Variants in CNNM2 observed in about 807,000 individuals in gnomAD.
CNNM2 encodes the protein cyclin and CBS domain divalent metal cation transport mediator 2, also known as metal transporter CNNM2.
Under a neutral mutation model 66.9 loss-of-function variants are expected in CNNM2, and 12 were observed. The observed-to-expected ratio is 0.18, with a 90% CI of 0.11 to 0.29. CNNM2 has a LOEUF of 0.29. CNNM2 is among the 10% of genes least tolerant of loss of function. CNNM2 has a pLI of 1.00. For missense variants in CNNM2, 705 were observed against 1,167.7 expected (o/e 0.60, Z 5.77); for synonymous variants, 557 against 501.8 (o/e 1.11, Z -1.47).
chr10:103,077,393 G>A lies in CNNM2; in HGVS notation c.*213G>A, dbSNP rs1343116088. On this transcript the variant is annotated 3_prime_UTR_variant, in exon 8 of 8. Coordinates refer to ENST00000369878, the MANE Select transcript of CNNM2 (RefSeq NM_017649.5). ...ATGTGAAGTTGGCAGCCGGGGCATG[G>A]CGTTCAAGATTTTGGAGATGAACTG... 2 of 530,760 alleles carry A rather than the reference G, an allele frequency of 3.8e-6. No individual in the cohort carries two copies. The highest frequency in any genetic ancestry group is 6.7e-6 in the Non-Finnish European group (2 of 299,444). The allele number at this position is 530,760 out of a possible 1,614,324, so 32.9% of individuals were successfully genotyped here.
chr10:103,053,880 G>C (rs908824744), intron 2 of CNNM2, among the ~76,000 whole-genome samples: 1 of 152,160 alleles, frequency 6.6e-6, no homozygotes, highest in East Asian at 1.9e-4. Context: ...CAGAGGGAAG[G>C]GGCCTCTTAC....
intron 1 of CNNM2, among the ~76,000 whole-genome samples, chr10:102,951,063 C>T (rs1846812380): frequency 7.0e-6 from 1 of 142,166 alleles, no homozygotes; most frequent in Non-Finnish European, 1.5e-5. Context: ...TCTCAGCTCA[C>T]TGCAACCTCT....
Position 103,082,561 on chromosome 10 carries a change from G to A in CNNM2, c.*5381G>A, listed in dbSNP as rs1306084527. 6.6e-6 allele frequency: 1 copy of A among 152,166 alleles called. No homozygotes were observed. Among genetic ancestry groups the A allele is most frequent in the East Asian group, 1.9e-4 (1 of 5,196 alleles). The allele number at this position is 152,166 out of a possible 1,614,324, so 9.4% of individuals were successfully genotyped here. A position where few individuals can be genotyped will look rare whatever the true frequency, so the allele number is the denominator to read the frequency against. On this transcript the variant is annotated 3_prime_UTR_variant, in exon 8 of 8. Transcript: ENST00000369878. Reference sequence around the variant, plus strand: ...TTTATATTATTTATTATGTACATATGCCTGTTAGTACTTCGTCTGTGACTA... The same window carrying A: ...TTTATATTATTTATTATGTACATATACCTGTTAGTACTTCGTCTGTGACTA...
At chr10:103,026,827 A>G (rs772075401) in intron 1 of CNNM2, among the ~76,000 whole-genome samples, 4 of 152,126 alleles carry the variant, frequency 2.6e-5, no homozygotes, top group African/African-American at 2.4e-5. Context: ...AGAGTCTAAC[A>G]TGTTGTAATT....
rs142592397 is a variant in CNNM2, at chr10:103,071,501, T to A, written c.2168-273T>A. Among the ~76,000 whole-genome samples, 114 of 152,332 alleles carry A rather than the reference T, an allele frequency of 7.5e-4. 1 individual carries two copies. The highest frequency in any genetic ancestry group is 2.7e-3 in the African/African-American group (111 of 41,582). ...CTTAAGAGTAGCAGGTTTCGAGCTA[T>A]CAACCCCAATTGGTTATTAGTGGCT... is the stretch of plus-strand genomic sequence containing the variant. On this transcript the variant is annotated intron_variant, in intron 5 of 7. Coordinates refer to ENST00000369878, the MANE Select transcript of CNNM2 (RefSeq NM_017649.5).
Position 102,975,415 on chromosome 10 carries a change from A to G in CNNM2, c.1621+55314A>G, listed in dbSNP as rs541946615. Among the ~76,000 whole-genome samples, 4 of 143,234 alleles carry G rather than the reference A, an allele frequency of 2.8e-5. No homozygotes were observed. In the South Asian group the frequency reaches 9.4e-4, roughly 34 times the overall value. The allele number at this position is 143,234 out of a possible 152,430, so 94.0% of individuals were successfully genotyped here. A position where few individuals can be genotyped will look rare whatever the true frequency, so the allele number is the denominator to read the frequency against. On this transcript the variant is annotated intron_variant, in intron 1 of 7. Coordinates refer to ENST00000369878, the MANE Select transcript of CNNM2 (RefSeq NM_017649.5). ...AAGCAGAGTGGTGACAGTGAACTGG[A>G]TGGTGAATTTGCTCTAGCAAGTTTA...
intron 1 of CNNM2, among the ~76,000 whole-genome samples, chr10:102,956,443 C>T (rs574037145): frequency 3.3e-5 from 5 of 152,170 alleles, no homozygotes; most frequent in East Asian, 1.9e-4. Flanking sequence ...CTAGAAATAC[C>T]GTTTGACCCA....
chr10:102,978,496 A>G (rs1430734971), intron 1 of CNNM2, among the ~76,000 whole-genome samples: 1 of 151,812 alleles, frequency 6.6e-6, no homozygotes, highest in Non-Finnish European at 1.5e-5. Context: ...TACCATCTCT[A>G]CCTCTACCAC....
intron 1 of CNNM2, among the ~76,000 whole-genome samples, chr10:103,005,061 C>T (rs544181470): frequency 7.2e-5 from 11 of 151,762 alleles, no homozygotes; most frequent in Admixed American, 2.0e-4. Flanking sequence ...TATGGGCATG[C>T]GCCACCACAC....
intron 1 of CNNM2, among the ~76,000 whole-genome samples, chr10:102,950,012 G>C (rs1483316225): frequency 1.3e-5 from 2 of 152,246 alleles, no homozygotes; most frequent in East Asian, 3.9e-4. Context: ...GACCACTATA[G>C]AACTTACTAT....
chr10:103,005,645 G>A (rs899925316), intron 1 of CNNM2, among the ~76,000 whole-genome samples: 38 of 151,908 alleles, frequency 2.5e-4, no homozygotes, highest in Admixed American at 1.6e-3. Flanking sequence ...GCGAAACTCC[G>A]TCTCTCAAAA....
rs946734859 is a variant in CNNM2, at chr10:103,080,460, C to G, written c.*3280C>G. On this transcript the variant is annotated 3_prime_UTR_variant, in exon 8 of 8. Transcript: ENST00000369878. ...CTTACACAGATATCGGGGTGCTAAT[C>G]AACTGGCTTAAATCTTGATTCTTAC... The G allele has an allele frequency of 6.6e-6, 1 of 152,230 alleles. No homozygotes were observed. The highest frequency in any genetic ancestry group is 1.5e-5 in the Non-Finnish European group (1 of 68,056). 9.4% of individuals were successfully genotyped at this position (152,230 alleles called of 1,614,324 possible).
Position 103,073,549 on chromosome 10 carries a change from G to A in CNNM2, c.2233+1710G>A, listed in dbSNP as rs535792172. Among the ~76,000 whole-genome samples, 4 of 152,304 alleles carry A rather than the reference G, an allele frequency of 2.6e-5. No individual in the cohort carries two copies. The South Asian group carries it at 8.3e-4, about 32-fold the overall frequency. ...GGTGGGCGCATGGTGGCAAGGTCCG[G>A]GAGGAAGCTGACAAGAAAGAATAGA... is the stretch of plus-strand genomic sequence containing the variant. On this transcript the variant is annotated intron_variant, in intron 6 of 7. Transcript: ENST00000369878.
At chr10:102,981,667 A>G (rs2063722885) in intron 1 of CNNM2, among the ~76,000 whole-genome samples, 1 of 151,846 alleles carries the variant, frequency 6.6e-6, no homozygotes, top group African/African-American at 2.4e-5. Flanking sequence ...TGCTGGGATT[A>G]TAGGGATACA....
rs1244795833 is a variant in CNNM2, at chr10:102,990,009, A to G, written c.1622-59698A>G. Among the ~76,000 whole-genome samples, 4 of 150,708 alleles carry G rather than the reference A, an allele frequency of 2.7e-5. No individual in the cohort carries two copies. The Admixed American group carries it at 2.7e-4, about 10-fold the overall frequency. Reference sequence around the variant, plus strand: ...ACCCAGGCTGCAGTGCAGTGGTGCAATCTCGTCTCACTGCAACCTCTCCCT... The same window carrying G: ...ACCCAGGCTGCAGTGCAGTGGTGCAGTCTCGTCTCACTGCAACCTCTCCCT... On this transcript the variant is annotated intron_variant, in intron 1 of 7. Transcript: ENST00000369878.
chr10:103,015,644 G>C (rs1005817266), intron 1 of CNNM2, among the ~76,000 whole-genome samples: 2 of 151,960 alleles, frequency 1.3e-5, no homozygotes, highest in Non-Finnish European at 2.9e-5. Flanking sequence ...ACTTGACATC[G>C]GGAGTTCGAG....
chr10:103,039,325 C>T (rs1170952801), intron 1 of CNNM2, among the ~76,000 whole-genome samples: 2 of 151,968 alleles, frequency 1.3e-5, no homozygotes, highest in African/African-American at 4.8e-5. Flanking sequence ...TTAGTAGAGA[C>T]GGGGTTTTGC....
intron 1 of CNNM2, among the ~76,000 whole-genome samples, chr10:102,995,095 T>C (rs552851800): frequency 8.1e-6 from 1 of 123,454 alleles, no homozygotes; most frequent in East Asian, 2.7e-4. Flanking sequence ...CGTTTGGTTT[T>C]TAGTTCTCTC....
chr10:102,936,096 C>T (rs1846231545), intron 1 of CNNM2, among the ~76,000 whole-genome samples: 1 of 151,492 alleles, frequency 6.6e-6, no homozygotes, highest in South Asian at 2.1e-4. Context: ...TTGAGGGCAT[C>T]ATCTGATCTT....
Sources: allele counts gnomAD v4.1 joint callset (sites outside exome capture counted in the v4.1 genomes callset), GRCh38; gene constraint gnomAD v4.1.1; transcripts MANE v1.5; gene names NCBI Gene and HGNC (gene_info 2026-07-23, HGNC 2026-07-21).